The following IGSF9B variants were observed in gnomAD, a reference collection of about 807,000 sequenced individuals.
IGSF9B encodes the protein immunoglobulin superfamily member 9B.
Under a neutral mutation model 143.7 loss-of-function variants are expected in IGSF9B, and 48 were observed. The observed-to-expected ratio is 0.33, with a 90% confidence interval of 0.26 to 0.42. The LOEUF (loss-of-function observed/expected upper bound fraction) is 0.42. Among genes scored for constraint, IGSF9B ranks in the 20% least tolerant of loss-of-function variants. IGSF9B has a pLI of 1.00. For synonymous variants in IGSF9B, 903 were observed against 833.1 expected (o/e 1.08, Z -1.44); for missense variants, 1,706 against 1,980.0 (o/e 0.86, Z 2.63).
intron 15 of IGSF9B, among the ~76,000 whole-genome samples, chr11:133,924,036 C>T (rs1166069887): frequency 1.3e-5 from 2 of 152,186 alleles, no homozygotes; most frequent in African/African-American, 4.8e-5. Context: ...CCCCTGCTCT[C>T]GTGCTCCCTG....
At chr11:133,936,806 C>T (rs1470228936) in intron 5 of IGSF9B, among the ~76,000 whole-genome samples, 6 of 152,170 alleles carry the variant, frequency 3.9e-5, no homozygotes, top group African/African-American at 7.2e-5. Context: ...GAGGCTAAGC[C>T]GGGGGCCGAG....
rs150439793 is a variant in IGSF9B at position 133,917,191 on chromosome 11, G to A, written c.3983+2551C>T. On this transcript the variant is annotated intron_variant, in intron 18 of 19. Coordinates refer to ENST00000533871, the MANE Select transcript of IGSF9B (RefSeq NM_001277285.4). Reference sequence around the variant, plus strand: ...GCCGTCTCCCATGCAGGTGCCCGATGCCTGTGTGTGCCCAGGCACAGGGCA... The same window carrying A: ...GCCGTCTCCCATGCAGGTGCCCGATACCTGTGTGTGCCCAGGCACAGGGCA... Among the ~76,000 whole-genome samples, 659 of 152,310 alleles carry A rather than the reference G, an allele frequency of 4.3e-3. 13 individuals carry two copies. The highest frequency in any genetic ancestry group is 0.038 in the East Asian group (195 of 5,160).
rs993261691 is a variant in IGSF9B, at chr11:133,909,785, G to T, written c.4106-508C>A. 1.3e-5 allele frequency among the ~76,000 whole-genome samples: 2 copies of T among 152,200 alleles called. No homozygotes were observed. The highest frequency in any genetic ancestry group is 6.5e-5 in the Admixed American group (1 of 15,284). ...CTGGAGATTAATCAGGAATGCCTTT[G>T]CTAGCTTCAAAGACTATGCATCCAT... On this transcript the variant is annotated intron_variant, in intron 19 of 19. Transcript: ENST00000533871. This position sits in a 1 kb window ranked among gnomAD's most constrained non-coding sequence, Gnocchi z 4.2.
In IGSF9B at chr11:133,901,840, A is replaced by ACACCACACACGCACCACACACG; in HGVS notation, c.*7207_*7228dup. ...CCACACCACACACACAAACACACAC[A>ACACCACACACGCACCACACACG]CACCACACACGCACCACACACGCAC... On this transcript the variant is annotated 3_prime_UTR_variant, in exon 20 of 20. Transcript: ENST00000533871. 1.4e-5 allele frequency among the ~76,000 whole-genome samples: 2 copies of ACACCACACACGCACCACACACG among 147,734 alleles called. No homozygotes were observed. Among genetic ancestry groups the ACACCACACACGCACCACACACG allele is most frequent in the Non-Finnish European group, 3.0e-5 (2 of 66,686 alleles).
chr11:133,901,691 A>C lies in IGSF9B; in HGVS notation c.*7378T>G, dbSNP rs1055622735. On this transcript the variant is annotated 3_prime_UTR_variant, in exon 20 of 20. Coordinates refer to ENST00000533871, the MANE Select transcript of IGSF9B (RefSeq NM_001277285.4). Reference sequence around the variant, plus strand: ...GGTGCATTACTAATTTGACCCTCCTACCCAAACAGAAGTTGTCTAGCAAAA... The same window carrying C: ...GGTGCATTACTAATTTGACCCTCCTCCCCAAACAGAAGTTGTCTAGCAAAA... 3.3e-5 allele frequency: 5 copies of C among 152,038 alleles called. No individual in the cohort carries two copies. Among genetic ancestry groups the C allele is most frequent in the African/African-American group, 1.2e-4 (5 of 41,358 alleles). 9.4% of individuals were successfully genotyped at this position (152,038 alleles called of 1,614,324 possible).
chr11:133,944,513 A>G, intron 2 of IGSF9B, 147 bp from the exon 3 acceptor site: 2 of 834,150 alleles, frequency 2.4e-6, no homozygotes, highest in Non-Finnish European at 1.9e-6. Context: ...GCTGGCACCC[A>G]CCTCCAGCAG....
At chr11:133,914,858 T>A (rs1468325561) in intron 18 of IGSF9B, among the ~76,000 whole-genome samples, 1 of 152,146 alleles carries the variant, frequency 6.6e-6, no homozygotes, top group East Asian at 1.9e-4. Context: ...TGCAATCGAA[T>A]TGCCTCCCTG....
chr11:133,934,164 C>T (rs774278775), intron 7 of IGSF9B, among the ~76,000 whole-genome samples: 10 of 152,118 alleles, frequency 6.6e-5, no homozygotes, highest in South Asian at 2.1e-4. Context: ...GTGACGCTGG[C>T]GCTGGGGAGA....
chr11:133,948,092 T>C lies in IGSF9B; in HGVS notation c.65-1834A>G, dbSNP rs1940091625. On this transcript the variant is annotated intron_variant, in intron 1 of 19. Coordinates refer to ENST00000533871, the MANE Select transcript of IGSF9B (RefSeq NM_001277285.4). This position sits in a 1 kb window ranked among gnomAD's most constrained non-coding sequence, Gnocchi z 4.7. ...GTGTGTGTGTGTGTGTGTGTGTGTC[T>C]GTGTGTGTTTCGGTTGGCTCATGCA... Among the ~76,000 whole-genome samples, 1 of 150,074 alleles carries C rather than the reference T, an allele frequency of 6.7e-6. No homozygotes were observed. The highest frequency in any genetic ancestry group is 1.5e-5 in the Non-Finnish European group (1 of 67,532).
Position 133,937,464 on chromosome 11 carries a change from C to T in IGSF9B, c.591G>A (p.Ser197=), listed in dbSNP as rs779768265. The stretch of plus-strand genomic sequence containing the variant: ...AGGCACCTCTGTCCTCCCGACTGAC[C>T]GATGTCACTGTCAGGCTGCCGTCAC... ...QVSDGSLTVT[S]VSREDRGAYT... is the part of the protein sequence containing the mutation. The change falls in exon 5 of 20, where the codon TCG becomes TCA. Residue 197 remains serine, a synonymous_variant. Coordinates refer to ENST00000533871, the MANE Select transcript of IGSF9B (RefSeq NM_001277285.4). 23 of 1,613,642 alleles carry T rather than the reference C, an allele frequency of 1.4e-5. No individual in the cohort carries two copies. Among genetic ancestry groups the T allele is most frequent in the Middle Eastern group, 1.6e-4 (1 of 6,082 alleles).
chr11:133,937,627 G>A, intron 4 of IGSF9B, 134 bp from the exon 5 acceptor site: 1 of 996,536 alleles, frequency 1.0e-6, no homozygotes, highest in Non-Finnish European at 1.5e-6. Flanking sequence ...GGACACGAAG[G>A]GCAGGTGCCC....
chr11:133,925,549 T>G (rs1939608269), intron 14 of IGSF9B, among the ~76,000 whole-genome samples, 190 bp downstream of exon 14: 1 of 152,248 alleles, frequency 6.6e-6, no homozygotes, highest in Admixed American at 6.5e-5. Context: ...GCCCCGAGCC[T>G]GTGGGCCATG....
intron 1 of IGSF9B, among the ~76,000 whole-genome samples, chr11:133,950,166 C>G (rs1274175626): frequency 6.6e-6 from 1 of 152,204 alleles, no homozygotes; most frequent in Non-Finnish European, 1.5e-5. Flanking sequence ...CAGGGCCTGG[C>G]ACAGCCCATG....
chr11:133,948,374 A>C lies in IGSF9B; in HGVS notation c.65-2116T>G, dbSNP rs1331051977. On this transcript the variant is annotated intron_variant, in intron 1 of 19. Coordinates refer to ENST00000533871, the MANE Select transcript of IGSF9B (RefSeq NM_001277285.4). This position sits in a 1 kb window ranked among gnomAD's most constrained non-coding sequence, Gnocchi z 4.7. ...TTTTTGGAGCAGAGCAGAGCATTGC[A>C]CTCACCTGCCTGAGGCCCCAGCATG... Among the ~76,000 whole-genome samples, 2 of 151,932 alleles carry C rather than the reference A, an allele frequency of 1.3e-5. No homozygotes were observed. The highest frequency in any genetic ancestry group is 2.9e-5 in the Non-Finnish European group (2 of 67,988).
Position 133,928,858 on chromosome 11 carries a change from G to A in IGSF9B, c.1631+813C>T, listed in dbSNP as rs966735894. 6.6e-6 allele frequency among the ~76,000 whole-genome samples: 1 copy of A among 152,188 alleles called. No individual in the cohort carries two copies. Among genetic ancestry groups the A allele is most frequent in the African/African-American group, 2.4e-5 (1 of 41,442 alleles). On this transcript the variant is annotated intron_variant, in intron 12 of 19. Coordinates refer to ENST00000533871, the MANE Select transcript of IGSF9B (RefSeq NM_001277285.4). This position sits in a 1 kb window ranked among gnomAD's most constrained non-coding sequence, Gnocchi z 4.7. ...CTGGCTAAACTGACAACAGAGGAATGAAAACAATCGAGAAACACATGGTCC... is the reference window on the plus strand; with the variant it reads ...CTGGCTAAACTGACAACAGAGGAATAAAAACAATCGAGAAACACATGGTCC...
In IGSF9B at chr11:133,922,721, G is replaced by A. The variant is rs779753579; in HGVS notation, c.2129C>T (p.Pro710Leu). The change falls in exon 16 of 20, where the codon CCG becomes CTG. Residue 710 changes from proline to leucine, a missense_variant. This residue lies in a region of IGSF9B where 267 missense variants were observed against 321.1 expected (regional missense o/e 0.83). Coordinates refer to ENST00000533871, the MANE Select transcript of IGSF9B (RefSeq NM_001277285.4). ...CCCATCCTCGGTCAGGTCCGGCTGC[G>A]GGAAGATGTCTGCAGGGAGGGTGGG... ...IAGVSSTDIF[P>L]QPDLTEDGLA... is the part of the protein sequence containing the mutation. The A allele has an allele frequency of 4.0e-5, 62 of 1,567,200 alleles. No individual in the cohort carries two copies. The highest frequency in any genetic ancestry group is 3.7e-5 in the Admixed American group (2 of 54,124).
At position 133,947,577 on chromosome 11, in the gene IGSF9B, C is replaced by T. The variant is rs11223637; in HGVS notation, c.65-1319G>A. On this transcript the variant is annotated intron_variant, in intron 1 of 19. Coordinates refer to ENST00000533871, the MANE Select transcript of IGSF9B (RefSeq NM_001277285.4). ...GCCCCTGCCATTCCCCATTCCGGTG[C>T]CTCGGTCTGACTCTCTCTGCATCTC... Among the ~76,000 whole-genome samples, 1,012 of 152,334 alleles carry T rather than the reference C, an allele frequency of 6.6e-3. 30 individuals are homozygous for T. The East Asian group carries it at 0.092, about 14-fold the overall frequency.
intron 19 of IGSF9B, 27 bp downstream of exon 19, chr11:133,911,859 C>G (rs554715303): frequency 6.7e-7 from 1 of 1,489,246 alleles, no homozygotes; most frequent in Non-Finnish European, 8.9e-7. Context: ...GTGGGAGGAG[C>G]GGGGCGGGCC....
intron 1 of IGSF9B, 82 bp downstream of exon 1, chr11:133,956,609 G>A: frequency 1.0e-6 from 1 of 957,502 alleles, no homozygotes; most frequent in Non-Finnish European, 1.6e-6. Context: ...GGGGGGCCAA[G>A]GAGCCGGGAA....
Sources: allele counts gnomAD v4.1 joint callset (sites outside exome capture counted in the v4.1 genomes callset), GRCh38; gene constraint gnomAD v4.1.1; regional missense constraint gnomAD v4.1.1; non-coding constraint Gnocchi (gnomAD v3.1); transcripts MANE v1.5; gene names NCBI Gene and HGNC (gene_info 2026-07-23, HGNC 2026-07-21).